Variants in TIAM2 observed in about 807,000 individuals in gnomAD.
TIAM2 encodes the protein TIAM Rac1 associated GEF 2.
TIAM2 carries 80 observed loss-of-function variants against 152.9 expected under a neutral mutation model. That is an observed-to-expected ratio of 0.52 (90% CI 0.44 to 0.63). The LOEUF (loss-of-function observed/expected upper bound fraction) is 0.63. Among genes scored for constraint, TIAM2 ranks in the 30% least tolerant of loss-of-function variants. The probability of loss-of-function intolerance (pLI) is 0.00; values close to 1 mark genes in which losing one functional copy is unlikely to be tolerated. For synonymous variants in TIAM2, 804 were observed against 838.0 expected, an observed-to-expected ratio of 0.96 and a Z score of 0.70; for missense variants, 1,965 against 2,120.1, an observed-to-expected ratio of 0.93 and a Z score of 1.44.
At chr6:155,029,537 A>C (rs183501450) in intron 1 of TIAM2, among the ~76,000 whole-genome samples, 31 of 52,940 alleles carry the variant, frequency 5.9e-4, no homozygotes, top group Middle Eastern at 0.015. Flanking sequence ...ATAGATAATA[A>C]TATATATTAT....
chr6:155,224,102 T>C (rs1782156976), intron 15 of TIAM2, among the ~76,000 whole-genome samples: 2 of 152,136 alleles, frequency 1.3e-5, no homozygotes, highest in South Asian at 4.1e-4. Context: ...CCTGGCTGCC[T>C]TCTGTCAATA....
intron 1 of TIAM2, among the ~76,000 whole-genome samples, chr6:155,044,772 A>G (rs1191430881): frequency 6.6e-6 from 1 of 151,518 alleles, no homozygotes; most frequent in Non-Finnish European, 1.5e-5. Flanking sequence ...AGATTGCACC[A>G]CCGCACTCCA....
intron 2 of TIAM2, among the ~76,000 whole-genome samples, chr6:155,091,736 T>A (rs1033241510): frequency 6.6e-6 from 1 of 152,162 alleles, no homozygotes; most frequent in Non-Finnish European, 1.5e-5. Context: ...AAAAGTAGTA[T>A]CTAATTAGCC....
At chr6:155,007,885 C>A (rs1219692881) in intron 1 of TIAM2, among the ~76,000 whole-genome samples, 2 of 152,184 alleles carry the variant, frequency 1.3e-5, no homozygotes, top group Non-Finnish European at 2.9e-5. Context: ...AAGAGAATGT[C>A]ACTGCAGCGT....
At chr6:155,120,980 T>C (rs1779137108) in intron 2 of TIAM2, among the ~76,000 whole-genome samples, 1 of 152,218 alleles carries the variant, frequency 6.6e-6, no homozygotes, top group African/African-American at 2.4e-5. Context: ...AGTGTATGGC[T>C]TGTGTCACTG....
At position 155,256,623 on chromosome 6, in the gene TIAM2, G is replaced by C; in HGVS notation, c.4608G>C (p.Glu1536Asp). 2 of 1,614,170 alleles carry C rather than the reference G, an allele frequency of 1.2e-6. No homozygotes were observed. Among genetic ancestry groups the C allele is most frequent in the African/African-American group, 1.3e-5 (1 of 75,040 alleles). Reference sequence around the variant, plus strand: ...AGAGCAGCGGCTGCCCCACGGCTGAGGGCAGGCAGGACTCCAAGAGCACTT... The same window carrying C: ...AGAGCAGCGGCTGCCCCACGGCTGACGGCAGGCAGGACTCCAAGAGCACTT... ...GTQSSGCPTA[E>D]GRQDSKSTSP... The change falls in exon 27 of 27, where the codon GAG becomes GAC. Residue 1536 changes from glutamate to aspartate, a missense_variant. This residue lies in a region of TIAM2 where 935 missense variants were observed against 980.0 expected (regional missense o/e 0.95). Coordinates refer to ENST00000682666, the MANE Select transcript of TIAM2 (RefSeq NM_012454.4).
At chr6:155,011,133 C>G (rs1009837142) in intron 1 of TIAM2, among the ~76,000 whole-genome samples, 1 of 151,912 alleles carries the variant, frequency 6.6e-6, no homozygotes, top group Non-Finnish European at 1.5e-5. Context: ...TGACCAAAAC[C>G]AAAACCAAAA....
At chr6:155,062,791 T>C (rs2114940758) in intron 1 of TIAM2, among the ~76,000 whole-genome samples, 1 of 152,176 alleles carries the variant, frequency 6.6e-6, no homozygotes, top group African/African-American at 2.4e-5. Context: ...GTCAGGCTGG[T>C]CTTGAACTCC....
chr6:155,061,211 A>C (rs553375078), intron 1 of TIAM2, among the ~76,000 whole-genome samples: 3 of 152,172 alleles, frequency 2.0e-5, no homozygotes, highest in Non-Finnish European at 4.4e-5. Context: ...CTGTGTGTCT[A>C]TCTCTCAATC....
At chr6:155,013,940 A>ACACACACACACACACG (rs1778531513) in intron 1 of TIAM2, 1 of 152,064 alleles carries the variant, frequency 6.6e-6, no homozygotes, top group African/African-American at 2.4e-5. Flanking sequence ...ACACACACAC[A>ACACACACACACACACG]CACACACACA....
chr6:155,195,976 G>A (rs535147090), intron 14 of TIAM2, among the ~76,000 whole-genome samples: 4 of 152,334 alleles, frequency 2.6e-5, no homozygotes, highest in African/African-American at 7.2e-5. Flanking sequence ...ATTTATTGGA[G>A]GGAAGGGAGA....
At position 155,240,633 on chromosome 6, in the gene TIAM2, C is replaced by T. The variant is rs1478755771; in HGVS notation, c.3272C>T (p.Ala1091Val). 1 of 1,613,924 alleles carries T rather than the reference C, an allele frequency of 6.2e-7. No individual in the cohort carries two copies. Among genetic ancestry groups the T allele is most frequent in the East Asian group, 2.2e-5 (1 of 44,900 alleles). The change falls in exon 16 of 27, where the codon GCC (alanine) becomes GTC (valine). Residue 1091 changes from alanine (A) to valine (V), a missense_variant. Transcript: ENST00000682666. ...ENQDPPPRSL[A>V]RHLSDADRLR... is the part of the protein sequence containing the mutation. ...CAGGATCCTCCTCCGAGGTCTCTGGCCCGCCACCTGTCTGATGCAGACCGC... is the reference window on the plus strand; with the variant it reads ...CAGGATCCTCCTCCGAGGTCTCTGGTCCGCCACCTGTCTGATGCAGACCGC...
At chr6:155,149,948 AG>A (rs1379065679) in intron 7 of TIAM2, among the ~76,000 whole-genome samples, 1 of 152,036 alleles carries the variant, frequency 6.6e-6, no homozygotes, top group Non-Finnish European at 1.5e-5. Context: ...CAGCATGAGT[AG>A]GAAAAAATTT....
intron 10 of TIAM2, among the ~76,000 whole-genome samples, chr6:155,178,802 T>C (rs1426675740): frequency 1.3e-5 from 2 of 152,180 alleles, no homozygotes; most frequent in Non-Finnish European, 2.9e-5. Flanking sequence ...CTCCAACTCC[T>C]GACCTCAAGT....
intron 1 of TIAM2, among the ~76,000 whole-genome samples, chr6:155,061,714 C>G (rs555961473): frequency 5.3e-5 from 8 of 152,160 alleles, no homozygotes; most frequent in South Asian, 2.1e-4. Context: ...TTTTCCCTAC[C>G]TACTGTAGTG....
intron 4 of TIAM2, among the ~76,000 whole-genome samples, chr6:155,132,645 G>A (rs1024041731): frequency 2.0e-5 from 3 of 152,190 alleles, no homozygotes; most frequent in African/African-American, 4.8e-5. Flanking sequence ...AATGGGAGAC[G>A]CAGCTTCTGC....
chr6:155,083,737 A>G (rs374356968), intron 1 of TIAM2, among the ~76,000 whole-genome samples: 223 of 152,368 alleles, frequency 1.5e-3, no homozygotes, highest in Non-Finnish European at 2.6e-3. Flanking sequence ...TCTGGAAGCC[A>G]GAATTCAGTG....
intron 2 of TIAM2, among the ~76,000 whole-genome samples, chr6:155,121,731 T>C (rs1296323103): frequency 6.6e-6 from 1 of 152,208 alleles, no homozygotes; most frequent in Non-Finnish European, 1.5e-5. Flanking sequence ...AGAATCTCTC[T>C]GGAGCGACGT....
intron 1 of TIAM2, among the ~76,000 whole-genome samples, chr6:155,036,686 C>T (rs548559735): frequency 6.6e-5 from 10 of 151,430 alleles, no homozygotes; most frequent in African/African-American, 9.7e-5. Context: ...GGCATGATCT[C>T]GGCTCACTGC....
Sources: allele counts gnomAD v4.1 joint callset (sites outside exome capture counted in the v4.1 genomes callset), GRCh38; gene constraint gnomAD v4.1.1; regional missense constraint gnomAD v4.1.1; transcripts MANE v1.5; gene names NCBI Gene and HGNC (gene_info 2026-07-23, HGNC 2026-07-21).